The following CSMD1 variants were observed in gnomAD, a reference collection of about 807,000 sequenced individuals.
CSMD1 encodes CUB and sushi domain-containing protein 1.
In CSMD1, 213 loss-of-function variants were observed where a neutral mutation model predicts 417.5. The ratio of observed to expected loss-of-function variants is 0.51; its 90% CI spans 0.46 to 0.57. The LOEUF is 0.57. Among genes scored for constraint, CSMD1 ranks in the 20% least tolerant of loss-of-function variants. The pLI is 0.00. For missense variants in CSMD1, 6,923 were observed against 4,529.7 expected, an observed-to-expected ratio of 1.53 and a Z score of -15.17; for synonymous variants, 2,862 against 1,736.8, an observed-to-expected ratio of 1.65 and a Z score of -16.11.
At chr8:4,560,964 C>A (rs1798305121) in intron 2 of CSMD1, among the ~76,000 whole-genome samples, 1 of 152,216 alleles carries the variant, frequency 6.6e-6, no homozygotes, top group South Asian at 2.1e-4. Flanking sequence ...AAGATTAAGT[C>A]TTCCACTGTT....
At chr8:4,449,783 T>C (rs1302783835) in intron 2 of CSMD1, among the ~76,000 whole-genome samples, 2 of 152,008 alleles carry the variant, frequency 1.3e-5, no homozygotes, top group Non-Finnish European at 2.9e-5. Flanking sequence ...CAGCTATGTT[T>C]GGGCATTTTT....
chr8:3,380,891 G>T (rs1271756508), intron 18 of CSMD1, among the ~76,000 whole-genome samples: 2 of 141,562 alleles, frequency 1.4e-5, no homozygotes, highest in African/African-American at 5.2e-5. Context: ...AAAGTATAAT[G>T]AAAAAAAAAA....
intron 2 of CSMD1, among the ~76,000 whole-genome samples, chr8:4,456,001 T>C (rs1442182441): frequency 1.7e-5 from 2 of 117,774 alleles, no homozygotes; most frequent in African/African-American, 6.4e-5. Flanking sequence ...ATAAATTGCT[T>C]ATCTTCTCCT....
chr8:4,418,850 G>A (rs1375723229), intron 3 of CSMD1, among the ~76,000 whole-genome samples: 1 of 152,144 alleles, frequency 6.6e-6, no homozygotes, highest in African/African-American at 2.4e-5. Context: ...GCTGGCTTAT[G>A]CACAAATGCG....
At chr8:3,228,853 T>A (rs1798664764) in intron 27 of CSMD1, among the ~76,000 whole-genome samples, 1 of 151,238 alleles carries the variant, frequency 6.6e-6, no homozygotes, top group Admixed American at 6.6e-5. Context: ...TGATAGGCAA[T>A]CACTCCACTT....
chr8:4,668,147 G>C (rs1050629562), intron 1 of CSMD1, among the ~76,000 whole-genome samples: 2 of 152,072 alleles, frequency 1.3e-5, no homozygotes, highest in Admixed American at 6.5e-5. Context: ...TGAGTTTTCT[G>C]AAGTTTAATC....
chr8:4,802,015 T>C (rs1001877606), intron 1 of CSMD1, among the ~76,000 whole-genome samples: 1 of 152,184 alleles, frequency 6.6e-6, no homozygotes, highest in Non-Finnish European at 1.5e-5. Flanking sequence ...GCTTCCCTGG[T>C]GTAGACAGAC....
chr8:4,624,204 T>G (rs1183650658), intron 2 of CSMD1, among the ~76,000 whole-genome samples: 1 of 152,118 alleles, frequency 6.6e-6, no homozygotes, highest in Non-Finnish European at 1.5e-5. Flanking sequence ...TGAGATGACC[T>G]CTATTTGTCT....
chr8:3,214,732 C>A (rs1183054218), intron 29 of CSMD1, 41 bp from the exon 30 acceptor site: 2 of 1,469,992 alleles, frequency 1.4e-6, no homozygotes, highest in African/African-American at 2.8e-5. Flanking sequence ...GAGCAGGGAT[C>A]TTATTCTTGT....
chr8:3,565,697 A>C (rs1053814748), intron 10 of CSMD1, among the ~76,000 whole-genome samples: 1 of 152,222 alleles, frequency 6.6e-6, no homozygotes, highest in African/African-American at 2.4e-5. Context: ...TTTTCTTGCA[A>C]GCATTAAGTT....
At chr8:4,679,639 A>G (rs1437584841) in intron 1 of CSMD1, among the ~76,000 whole-genome samples, 1 of 152,156 alleles carries the variant, frequency 6.6e-6, no homozygotes, top group Non-Finnish European at 1.5e-5. Context: ...ACAAAAGATA[A>G]TATCTTACTA....
At chr8:3,375,056 C>A (rs549667305) in intron 18 of CSMD1, 2 of 152,186 alleles carry the variant, frequency 1.3e-5, no homozygotes, top group Non-Finnish European at 2.9e-5. Context: ...CCTGCTAGCT[C>A]CCTGGACGGT....
intron 1 of CSMD1, among the ~76,000 whole-genome samples, chr8:4,868,302 C>A (rs2118566): frequency 0.48 from 73,017 of 151,806 alleles, 17,864 homozygotes; most frequent in Middle Eastern, 0.62. Context: ...GGCGCGATCT[C>A]GGCTCAGTGA....
intron 47 of CSMD1, among the ~76,000 whole-genome samples, chr8:3,094,446 G>A (rs1166844876): frequency 6.6e-6 from 1 of 152,096 alleles, no homozygotes; most frequent in Admixed American, 6.5e-5. Context: ...CCCTCATAAT[G>A]TTCTATCTGT....
intron 5 of CSMD1, among the ~76,000 whole-genome samples, chr8:3,990,182 A>C (rs1287355517): frequency 6.6e-6 from 1 of 152,238 alleles, no homozygotes; most frequent in Non-Finnish European, 1.5e-5. Flanking sequence ...GCCACATACA[A>C]AAAGAAAGAA....
rs150406878 is a variant in CSMD1 at position 3,624,239 on chromosome 8, C to T, written c.1010-7442G>A. ...ATGGGAAGCCATATGGTTTCAACCA[C>T]GAGTCTTTAGTCCAAACCATCTGTT... is the stretch of plus-strand genomic sequence containing the variant. On this transcript the variant is annotated intron_variant, in intron 7 of 69. Coordinates refer to ENST00000635120, the MANE Select transcript of CSMD1 (RefSeq NM_033225.6). Among the ~76,000 whole-genome samples the T allele has an allele frequency of 6.6e-3, 1,001 of 152,206 alleles. 7 individuals are homozygous for T. The highest frequency in any genetic ancestry group is 0.023 in the African/African-American group (958 of 41,542).
intron 3 of CSMD1, among the ~76,000 whole-genome samples, chr8:4,227,300 G>A (rs1473179711): frequency 1.3e-5 from 2 of 152,068 alleles, no homozygotes; most frequent in African/African-American, 4.8e-5. Flanking sequence ...CTGCCTTGGG[G>A]GCTGTCGTGG....
chr8:4,318,833 A>G (rs565725425), intron 3 of CSMD1, among the ~76,000 whole-genome samples: 1 of 152,310 alleles, frequency 6.6e-6, no homozygotes, highest in South Asian at 2.1e-4. Context: ...ACATCCTCCC[A>G]TAAATCATAA....
intron 1 of CSMD1, among the ~76,000 whole-genome samples, chr8:4,654,455 T>G (rs1376092429): frequency 1.3e-5 from 2 of 152,038 alleles, no homozygotes; most frequent in Non-Finnish European, 2.9e-5. Flanking sequence ...AAGTAGGAAC[T>G]TGGAGCATGA....
Sources: allele counts gnomAD v4.1 joint callset (sites outside exome capture counted in the v4.1 genomes callset), GRCh38; gene constraint gnomAD v4.1.1; transcripts MANE v1.5; gene names NCBI Gene and HGNC (gene_info 2026-07-23, HGNC 2026-07-21).